Variants in CCSER2 observed in about 807,000 individuals in gnomAD.
CCSER2 encodes coiled-coil serine rich protein 2.
In CCSER2, 46 loss-of-function variants were observed where a neutral mutation model predicts 92.3. That is an observed-to-expected ratio of 0.50 (90% CI 0.39 to 0.64). CCSER2 has a LOEUF of 0.64. CCSER2 is among the 30% of genes least tolerant of loss of function. The probability of loss-of-function intolerance (pLI) is 0.00; values close to 1 mark genes in which losing one functional copy is unlikely to be tolerated. For synonymous variants in CCSER2, 433 were observed against 431.4 expected, an observed-to-expected ratio of 1.00 and a Z score of -0.04; for missense variants, 1,244 against 1,238.9, an observed-to-expected ratio of 1.00 and a Z score of -0.06.
At chr10:84,374,846 A>T (rs1412265297) in intron 3 of CCSER2, among the ~76,000 whole-genome samples, 1 of 152,194 alleles carries the variant, frequency 6.6e-6, no homozygotes, top group Non-Finnish European at 1.5e-5. Flanking sequence ...TTAAATTCCA[A>T]GTGGATTTCA....
At chr10:84,402,057 ACT>A (rs1214297695) in intron 3 of CCSER2, among the ~76,000 whole-genome samples, 1 of 152,032 alleles carries the variant, frequency 6.6e-6, no homozygotes, top group Non-Finnish European at 1.5e-5. Context: ...TAGTTGCCAA[ACT>A]CTTTTTCTCT....
Position 84,513,548 on chromosome 10 carries a change from T to C in CCSER2, c.2425T>C (p.Ser809Pro). ...PQRIEARSECSIQDMHQGGAH... is the reference protein window; with the variant it reads ...PQRIEARSECPIQDMHQGGAH... ...ACGTATCGAGGCCCGCAGTGAATGC[T>C]CAATCCAAGACATGCATCAGGGCGG... is the stretch of plus-strand genomic sequence containing the variant. Residue 809 changes from serine to proline, a missense_variant, in exon 10 of 10, where the codon TCA becomes CCA. Transcript: ENST00000372088. 1 of 1,614,070 alleles carries C rather than the reference T, an allele frequency of 6.2e-7. No homozygotes were observed. The highest frequency in any genetic ancestry group is 8.5e-7 in the Non-Finnish European group (1 of 1,180,028).
chr10:84,468,177 A>G (rs568304280), intron 7 of CCSER2, among the ~76,000 whole-genome samples: 5 of 152,250 alleles, frequency 3.3e-5, no homozygotes, highest in South Asian at 2.1e-4. Flanking sequence ...TCACCTTTGT[A>G]TTATATTGTA....
At chr10:84,445,432 C>A (rs1379764674) in intron 6 of CCSER2, among the ~76,000 whole-genome samples, 1 of 152,186 alleles carries the variant, frequency 6.6e-6, no homozygotes, top group Non-Finnish European at 1.5e-5. Context: ...GGATTACAGG[C>A]GTGAGCCACC....
intron 9 of CCSER2, among the ~76,000 whole-genome samples, chr10:84,493,749 A>G (rs1454338538): frequency 6.6e-6 from 1 of 152,176 alleles, no homozygotes; most frequent in Non-Finnish European, 1.5e-5. Context: ...GGGTTGTGGG[A>G]GCAGTGTGGA....
intron 9 of CCSER2, among the ~76,000 whole-genome samples, chr10:84,478,665 G>T (rs1847292178): frequency 6.6e-6 from 1 of 152,138 alleles, no homozygotes; most frequent in South Asian, 2.1e-4. Flanking sequence ...CTAGAAGTGG[G>T]GAATTAGGGA....
intron 9 of CCSER2, chr10:84,499,986 C>A: frequency 6.2e-7 from 1 of 1,613,892 alleles, no homozygotes; most frequent in South Asian, 1.1e-5. Context: ...CACTCCTATC[C>A]TGCTCTGGCT....
At chr10:84,508,403 C>T (rs1849178848) in intron 9 of CCSER2, among the ~76,000 whole-genome samples, 1 of 152,132 alleles carries the variant, frequency 6.6e-6, no homozygotes, top group Admixed American at 6.5e-5. Context: ...AGTATATATA[C>T]TGGTATTACC....
chr10:84,484,445 C>T (rs1847680118), intron 9 of CCSER2, among the ~76,000 whole-genome samples: 1 of 151,640 alleles, frequency 6.6e-6, no homozygotes, highest in African/African-American at 2.4e-5. Context: ...TTTTAATGAG[C>T]CCATTTATTT....
At chr10:84,451,010 A>G (rs1845249652) in intron 6 of CCSER2, among the ~76,000 whole-genome samples, 1 of 152,140 alleles carries the variant, frequency 6.6e-6, no homozygotes, top group South Asian at 2.1e-4. Flanking sequence ...TTTCAGCCAA[A>G]ATCATAACAG....
chr10:84,462,136 G>T (rs1846136082), intron 6 of CCSER2, among the ~76,000 whole-genome samples: 1 of 152,208 alleles, frequency 6.6e-6, no homozygotes, highest in African/African-American at 2.4e-5. Flanking sequence ...TTTAGGATCA[G>T]ATCCAAGCAA....
chr10:84,517,995 C>A lies in CCSER2; in HGVS notation c.*3728C>A, dbSNP rs778739410. 2.0e-5 allele frequency: 3 copies of A among 152,218 alleles called. No homozygotes were observed. In the East Asian group the frequency reaches 5.8e-4, roughly 29 times the overall value. 9.4% of individuals were successfully genotyped at this position (152,218 alleles called of 1,614,324 possible). A position where few individuals can be genotyped will look rare whatever the true frequency, so the allele number is the denominator to read the frequency against. On this transcript the variant is annotated 3_prime_UTR_variant, in exon 10 of 10. Coordinates refer to ENST00000372088, the MANE Select transcript of CCSER2 (RefSeq NM_001284240.2). ...CCAGTAGTTTTTGTGTTTTTAAATT[C>A]GTTTGGGTGGTTATGTTTGCATGCT...
intron 3 of CCSER2, among the ~76,000 whole-genome samples, chr10:84,388,470 G>T (rs1841346361): frequency 6.6e-6 from 1 of 152,130 alleles, no homozygotes; most frequent in South Asian, 2.1e-4. Context: ...GATAGATGGT[G>T]TTGATGATCT....
At chr10:84,409,310 A>ATTT (rs11429977) in intron 3 of CCSER2, among the ~76,000 whole-genome samples, 8 of 148,412 alleles carry the variant, frequency 5.4e-5, no homozygotes, top group Non-Finnish European at 8.9e-5. Context: ...ATTTAAAAAA[A>ATTT]TTTTTTTTTT....
intron 9 of CCSER2, among the ~76,000 whole-genome samples, chr10:84,500,744 C>G (rs1277980090): frequency 6.6e-6 from 1 of 152,078 alleles, no homozygotes; most frequent in African/African-American, 2.4e-5. Flanking sequence ...AGTGTAAATA[C>G]AGTCAATCAG....
chr10:84,359,998 G>C (rs1300386414), intron 1 of CCSER2, among the ~76,000 whole-genome samples: 1 of 151,982 alleles, frequency 6.6e-6, no homozygotes, highest in Non-Finnish European at 1.5e-5. Flanking sequence ...ATTTTTAGTA[G>C]AGATGGGGTT....
rs1322290654 is a variant in CCSER2 at position 84,477,559 on chromosome 10, T to C, written c.2236-16T>C. On this transcript the variant is annotated splice_polypyrimidine_tract_variant and intron_variant, in intron 8 of 9. Coordinates refer to ENST00000372088, the MANE Select transcript of CCSER2 (RefSeq NM_001284240.2). ...GCAGAATTAAACCAATGTAAAAATTTTGTGTTTTTGTTTAGGCAACTCAGC... is the reference window on the plus strand; with the variant it reads ...GCAGAATTAAACCAATGTAAAAATTCTGTGTTTTTGTTTAGGCAACTCAGC... 1 of 1,500,160 alleles carries C rather than the reference T, an allele frequency of 6.7e-7. No homozygotes were observed. Among genetic ancestry groups the C allele is most frequent in the Non-Finnish European group, 9.3e-7 (1 of 1,078,616 alleles). 92.9% of individuals were successfully genotyped at this position (1,500,160 alleles called of 1,614,324 possible).
At chr10:84,405,307 A>G (rs1010262720) in intron 3 of CCSER2, among the ~76,000 whole-genome samples, 6 of 152,222 alleles carry the variant, frequency 3.9e-5, no homozygotes, top group African/African-American at 1.2e-4. Context: ...AAAATTTTAC[A>G]TCTTATTCAG....
At chr10:84,391,772 T>G in intron 3 of CCSER2, 1 of 1,561,258 alleles carries the variant, frequency 6.4e-7, no homozygotes, top group Admixed American at 1.7e-5. Context: ...TGGTGCACCT[T>G]TCTGAGAAAC....
Sources: allele counts gnomAD v4.1 joint callset (sites outside exome capture counted in the v4.1 genomes callset), GRCh38; gene constraint gnomAD v4.1.1; transcripts MANE v1.5; gene names NCBI Gene and HGNC (gene_info 2026-07-23, HGNC 2026-07-21).